The following ALMS1 variants were observed in gnomAD, a reference collection of about 807,000 sequenced individuals.
ALMS1 encodes the protein centrosome-associated protein ALMS1.
In ALMS1, 271 loss-of-function variants were observed where a neutral mutation model predicts 352.2. The ratio of observed to expected loss-of-function variants is 0.77; its 90% CI spans 0.70 to 0.85. ALMS1 has a LOEUF of 0.85. ALMS1 is among the 40% of genes least tolerant of loss of function. The probability of loss-of-function intolerance (pLI) is 0.00; values close to 1 mark genes in which losing one functional copy is unlikely to be tolerated. For synonymous variants in ALMS1, 1,865 were observed against 1,761.2 expected (o/e 1.06, Z -1.48); for missense variants, 5,445 against 4,870.7 (o/e 1.12, Z -3.51).
At chr2:73,485,711 C>G (rs1359951670) in intron 9 of ALMS1, among the ~76,000 whole-genome samples, 1 of 152,162 alleles carries the variant, frequency 6.6e-6, no homozygotes, top group Non-Finnish European at 1.5e-5. Context: ...GACTGCTGTG[C>G]TAGCAATCAG....
intron 12 of ALMS1, among the ~76,000 whole-genome samples, chr2:73,539,641 A>G (rs1296969240): frequency 1.3e-5 from 2 of 152,172 alleles, no homozygotes; most frequent in Admixed American, 6.5e-5. Flanking sequence ...AGATTAGACG[A>G]ATGGCTAACT....
chr2:73,408,923 A>G (rs1572904844), intron 2 of ALMS1, among the ~76,000 whole-genome samples, 176 bp downstream of exon 2: 1 of 116,750 alleles, frequency 8.6e-6, no homozygotes, highest in East Asian at 3.0e-4. Context: ...CCCAGGCTGG[A>G]GGGCAGTGGC....
rs75172629 is a variant in ALMS1 at position 73,426,385 on chromosome 2, T to G, written c.1238-68T>G. 3.3e-3 allele frequency: 4,976 copies of G among 1,518,896 alleles called. 143 individuals are homozygous for G. The African/African-American group carries it at 0.058, about 18-fold the overall frequency. 94.1% of individuals were successfully genotyped at this position (1,518,896 alleles called of 1,614,324 possible). Reference sequence around the variant, plus strand: ...CTGATATAGGCCAAGGTGAAAGTCCTTCGTGTGTGGGAGCTGAGCCTAGTT... The same window carrying G: ...CTGATATAGGCCAAGGTGAAAGTCCGTCGTGTGTGGGAGCTGAGCCTAGTT... On this transcript the variant is annotated intron_variant, in intron 5 of 22. Transcript: ENST00000613296.
intron 10 of ALMS1, among the ~76,000 whole-genome samples, chr2:73,519,359 A>C (rs1308745771): frequency 6.6e-6 from 1 of 152,166 alleles, no homozygotes; most frequent in East Asian, 1.9e-4. Context: ...ATATAACTGC[A>C]ACCTTGAAAA....
intron 16 of ALMS1, among the ~76,000 whole-genome samples, chr2:73,575,971 G>T (rs1675045223): frequency 6.6e-6 from 1 of 151,998 alleles, no homozygotes; most frequent in Non-Finnish European, 1.5e-5. Context: ...TTAGGTCTTT[G>T]ATCCATTTTG....
chr2:73,414,632 C>T (rs1366774940), intron 2 of ALMS1, among the ~76,000 whole-genome samples: 1 of 151,826 alleles, frequency 6.6e-6, no homozygotes, highest in East Asian at 1.9e-4. Flanking sequence ...TTCTGTCCTC[C>T]TCTTAGGTAC....
Position 73,490,927 on chromosome 2 carries a change from G to T in ALMS1, c.8968G>T (p.Gly2990Cys). ...TAAACACCATTTTCCCCTTCCTCAA[G>T]GTCAGGATTGTGTAGTGGAAAAGAA... is the stretch of plus-strand genomic sequence containing the variant. ...MNKHHFPLPQ[G>C]QDCVVEKNNQ... The change falls in exon 10 of 23, where the codon GGT (glycine) becomes TGT (cysteine). Residue 2990 changes from glycine to cysteine, a missense_variant. By Grantham distance (159) the Gly-to-Cys change is radical. Transcript: ENST00000613296. 2 of 1,614,144 alleles carry T rather than the reference G, an allele frequency of 1.2e-6. No homozygotes were observed. The highest frequency in any genetic ancestry group is 1.7e-6 in the Non-Finnish European group (2 of 1,180,026).
rs562461471 is a variant in ALMS1 at position 73,558,715 on chromosome 2, A to G, written c.10214-257A>G. On this transcript the variant is annotated intron_variant, in intron 14 of 22. Coordinates refer to ENST00000613296, the MANE Select transcript of ALMS1 (RefSeq NM_001378454.1). ...GCCAAAATCAGTTGTCTAGAGTTCT[A>G]TGGTACTCCCACCTGCAATTAGTTT... 7.2e-5 allele frequency among the ~76,000 whole-genome samples: 11 copies of G among 152,144 alleles called. No individual in the cohort carries two copies. In the South Asian group the frequency reaches 1.9e-3, roughly 26 times the overall value.
At chr2:73,496,157 G>C (rs1673102288) in intron 10 of ALMS1, among the ~76,000 whole-genome samples, 1 of 152,086 alleles carries the variant, frequency 6.6e-6, no homozygotes, top group Non-Finnish European at 1.5e-5. Flanking sequence ...TTCACTTTCT[G>C]TGCTTTACAA....
At chr2:73,385,801 A>T (rs906360921), upstream of ALMS1, 1 of 654,182 alleles carries the variant, frequency 1.5e-6, no homozygotes, top group Non-Finnish European at 2.7e-6. Flanking sequence ...ACCGCCAGTC[A>T]GGGCTCTCCC....
chr2:73,509,492 G>C (rs1673405335), intron 10 of ALMS1, among the ~76,000 whole-genome samples: 1 of 152,114 alleles, frequency 6.6e-6, no homozygotes. Flanking sequence ...TGTCTGTAAA[G>C]GATTTTATTT....
intron 9 of ALMS1, among the ~76,000 whole-genome samples, chr2:73,464,033 C>T (rs931540437): frequency 1.2e-4 from 19 of 152,196 alleles, no homozygotes; most frequent in African/African-American, 4.6e-4. Flanking sequence ...GGAGCTGGTA[C>T]CATTCCTTCT....
intron 16 of ALMS1, among the ~76,000 whole-genome samples, chr2:73,589,126 TTGTC>T (rs1409365717): frequency 2.0e-5 from 3 of 152,120 alleles, no homozygotes; most frequent in African/African-American, 7.2e-5. Context: ...TTTTATATTT[TTGTC>T]TATTTTTTAC....
chr2:73,406,075 A>G (rs1670966749), intron 1 of ALMS1, among the ~76,000 whole-genome samples: 2 of 152,084 alleles, frequency 1.3e-5, no homozygotes, highest in Non-Finnish European at 2.9e-5. Context: ...TTCTTTCCTT[A>G]TTGATCTCAT....
rs147828236 is a variant in ALMS1 at position 73,458,270 on chromosome 2, T to G, written c.7674+2975T>G. ...TTTTGGACCTTTTATTTTTTTAACT[T>G]AAATATATTAGGATTTCCCTTTAAA... On this transcript the variant is annotated intron_variant, in intron 9 of 22. Transcript: ENST00000613296. The G allele has an allele frequency of 9.2e-5, 14 of 152,236 alleles. No individual in the cohort carries two copies. The East Asian group carries it at 2.3e-3, about 25-fold the overall frequency. The allele number at this position is 152,236 out of a possible 1,614,324, so 9.4% of individuals were successfully genotyped here.
intron 15 of ALMS1, among the ~76,000 whole-genome samples, chr2:73,559,821 T>A (rs577919228): frequency 6.6e-6 from 1 of 152,296 alleles, no homozygotes; most frequent in African/African-American, 2.4e-5. Context: ...GAAAACTAGA[T>A]ATCCACATTT....
intron 12 of ALMS1, among the ~76,000 whole-genome samples, chr2:73,535,280 A>G (rs915424974): frequency 6.6e-6 from 1 of 152,036 alleles, no homozygotes; most frequent in East Asian, 1.9e-4. Flanking sequence ...ATAAGCAATT[A>G]TTTTTTTCAA....
chr2:73,455,527 T>C (rs1189551685), intron 9 of ALMS1, among the ~76,000 whole-genome samples: 2 of 152,156 alleles, frequency 1.3e-5, no homozygotes, highest in Non-Finnish European at 2.9e-5. Context: ...CCTCAGCCTC[T>C]CAGGTAGCTG....
Position 73,453,203 on chromosome 2 carries a change from C to T in ALMS1, c.6676C>T (p.Gln2226Ter), listed in dbSNP as rs766604118. ...VSSNNVLLNS[Q>*]ADDRVVINKP... is the part of the protein sequence containing the mutation. ...CTCAAATAATGTGCTTTTAAATTCT[C>T]AGGCTGATGACAGAGTTGTAATAAA... is the stretch of plus-strand genomic sequence containing the variant. The change falls in exon 8 of 23, where the codon CAG (glutamine) becomes TAG (stop). Residue 2226 changes from glutamine (Q) to a stop codon, truncating the protein, a stop_gained. Coordinates refer to ENST00000613296, the MANE Select transcript of ALMS1 (RefSeq NM_001378454.1). LOFTEE classifies it high-confidence loss of function. 3 of 1,614,028 alleles carry T rather than the reference C, an allele frequency of 1.9e-6. No individual in the cohort carries two copies. The highest frequency in any genetic ancestry group is 2.7e-5 in the African/African-American group (2 of 75,042).
Sources: allele counts gnomAD v4.1 joint callset (sites outside exome capture counted in the v4.1 genomes callset), GRCh38; gene constraint gnomAD v4.1.1; transcripts MANE v1.5; gene names NCBI Gene and HGNC (gene_info 2026-07-23, HGNC 2026-07-21).